The following CCNY variants were observed in gnomAD, a reference collection of about 807,000 sequenced individuals.
CCNY encodes cyclin Y.
In CCNY, 19 loss-of-function variants were observed where a neutral mutation model predicts 42.8. The ratio of observed to expected loss-of-function variants is 0.44; its 90% confidence interval spans 0.31 to 0.65. CCNY has a LOEUF of 0.65. CCNY is among the 30% of genes least tolerant of loss of function. The pLI, the probability that CCNY is intolerant of heterozygous loss-of-function variation, is 0.07. For synonymous variants in CCNY, 165 were observed against 162.7 expected (o/e 1.01, Z -0.11); for missense variants, 370 against 437.3 (o/e 0.85, Z 1.37).
At chr10:35,261,136 A>G (rs1257838049) in intron 3 of CCNY, among the ~76,000 whole-genome samples, 1 of 150,778 alleles carries the variant, frequency 6.6e-6, no homozygotes, top group Non-Finnish European at 1.5e-5. Flanking sequence ...ACAAAACAAA[A>G]CTGAATAGCT....
Position 35,452,345 on chromosome 10 carries a change from A to G in CCNY, c.155-31059A>G, listed in dbSNP as rs182829991. ...ATATACTTTCAGGTCATTAAATGCT[A>G]CAGAAATGAGAAATGAAATACAAAC... On this transcript the variant is annotated intron_variant, in intron 1 of 9. Coordinates refer to ENST00000374704, the MANE Select transcript of CCNY (RefSeq NM_145012.6). Among the ~76,000 whole-genome samples the G allele has an allele frequency of 1.3e-3, 194 of 152,332 alleles. 6 individuals carry two copies. In the South Asian group the frequency reaches 0.03, roughly 24 times the overall value.
At chr10:35,429,284 C>T (rs3003981) in intron 1 of CCNY, among the ~76,000 whole-genome samples, 64,850 of 152,062 alleles carry the variant, frequency 0.43, 14,820 homozygotes, top group African/African-American at 0.59. Context: ...CATCATCTCA[C>T]CAGTTTTTGT....
intron 2 of CCNY, among the ~76,000 whole-genome samples, chr10:35,249,136 A>G (rs1639017497): frequency 6.6e-6 from 1 of 152,138 alleles, no homozygotes; most frequent in Non-Finnish European, 1.5e-5. Flanking sequence ...GGAGGCAGGT[A>G]TTAACATGTT....
intron 1 of CCNY, among the ~76,000 whole-genome samples, chr10:35,393,104 T>A (rs1837449773): frequency 6.6e-6 from 1 of 152,176 alleles, no homozygotes; most frequent in Non-Finnish European, 1.5e-5. Flanking sequence ...GTTTTCTGAG[T>A]TGAGCTCCGT....
intron 3 of CCNY, among the ~76,000 whole-genome samples, chr10:35,309,534 C>T (rs1266663911): frequency 6.6e-6 from 1 of 152,104 alleles, no homozygotes; most frequent in Non-Finnish European, 1.5e-5. Context: ...GATACTTCTG[C>T]CTCACTCTCC....
At chr10:35,380,843 A>G (rs1195443571) in intron 1 of CCNY, among the ~76,000 whole-genome samples, 1 of 152,188 alleles carries the variant, frequency 6.6e-6, no homozygotes, top group Non-Finnish European at 1.5e-5. Flanking sequence ...GTCAGGCTAG[A>G]AGTGGAACCA....
chr10:35,386,996 C>G (rs1342937605), intron 1 of CCNY, among the ~76,000 whole-genome samples: 1 of 152,144 alleles, frequency 6.6e-6, no homozygotes, highest in African/African-American at 2.4e-5. Context: ...CAGTGATTTC[C>G]TGCTGTTGGG....
intron 3 of CCNY, among the ~76,000 whole-genome samples, chr10:35,330,407 TC>T (rs1470002728): frequency 6.6e-6 from 1 of 152,178 alleles, no homozygotes; most frequent in Non-Finnish European, 1.5e-5. Context: ...TCCTGGATTC[TC>T]CTATAGGGAG....
chr10:35,475,341 T>A (rs1393334123), intron 1 of CCNY, among the ~76,000 whole-genome samples: 2 of 152,134 alleles, frequency 1.3e-5, no homozygotes, highest in Non-Finnish European at 2.9e-5. Flanking sequence ...AATTTTCAAA[T>A]TCACCGAAGT....
chr10:35,563,272 A>T (rs1252513810), intron 8 of CCNY, among the ~76,000 whole-genome samples: 1 of 152,192 alleles, frequency 6.6e-6, no homozygotes, highest in African/African-American at 2.4e-5. Flanking sequence ...CAGAAACTCA[A>T]GCTTGGAGAA....
At chr10:35,368,999 GA>G (rs1490406289) in intron 1 of CCNY, among the ~76,000 whole-genome samples, 2 of 152,216 alleles carry the variant, frequency 1.3e-5, no homozygotes, top group African/African-American at 4.8e-5. Flanking sequence ...TGGTGTACAG[GA>G]AGGAGCAGCA....
chr10:35,534,981 A>G (rs1840851650), intron 7 of CCNY, among the ~76,000 whole-genome samples: 1 of 129,968 alleles, frequency 7.7e-6, no homozygotes, highest in South Asian at 2.8e-4. Context: ...ACACATATAT[A>G]TATATAGATC....
At chr10:35,254,873 A>AT (rs57596346) in intron 3 of CCNY, among the ~76,000 whole-genome samples, 24 of 151,094 alleles carry the variant, frequency 1.6e-4, no homozygotes, top group Non-Finnish European at 3.1e-4. Flanking sequence ...AGAAAAAAAA[A>AT]GGTGTGTTGT....
chr10:35,279,217 G>A (rs1200570480), intron 3 of CCNY, among the ~76,000 whole-genome samples: 2 of 147,362 alleles, frequency 1.4e-5, no homozygotes, highest in Non-Finnish European at 3.0e-5. Context: ...CCCAGTTCAA[G>A]TGATTCTTCT....
At chr10:35,383,036 A>G (rs528889816) in intron 1 of CCNY, among the ~76,000 whole-genome samples, 15 of 152,168 alleles carry the variant, frequency 9.9e-5, no homozygotes, top group Non-Finnish European at 1.9e-4. Flanking sequence ...ATTGTTTTCA[A>G]TTGAACATGG....
intron 4 of CCNY, 22 bp from the exon 5 acceptor site, chr10:35,525,942 C>G: frequency 3.1e-6 from 5 of 1,609,138 alleles, no homozygotes; most frequent in Non-Finnish European, 4.2e-6. Flanking sequence ...GGACACTGAA[C>G]CTCTGCATTC....
intron 1 of CCNY, among the ~76,000 whole-genome samples, chr10:35,420,653 T>C (rs1007510453): frequency 4.6e-5 from 7 of 152,148 alleles, no homozygotes; most frequent in African/African-American, 1.7e-4. Flanking sequence ...CACACCAGAA[T>C]CTCACTGGAA....
At chr10:35,431,719 A>G (rs1416044833) in intron 1 of CCNY, among the ~76,000 whole-genome samples, 1 of 152,060 alleles carries the variant, frequency 6.6e-6, no homozygotes, top group Non-Finnish European at 1.5e-5. Context: ...GGGAAAAAGA[A>G]GCACCCTAAG....
chr10:35,288,928 T>C lies in CCNY; in HGVS notation c.-9+38302T>C, dbSNP rs901203802. ...TTCTTCAGAATTATTTTGGTCATTT[T>C]AGATCCTTTGGTATTCAATGTACAT... On this transcript the variant is annotated intron_variant, in intron 3 of 11. Transcript: ENST00000374706. Among the ~76,000 whole-genome samples the C allele has an allele frequency of 7.2e-5, 11 of 152,340 alleles. No homozygotes were observed. The East Asian group carries it at 2.1e-3, about 29-fold the overall frequency.
Sources: allele counts gnomAD v4.1 joint callset (sites outside exome capture counted in the v4.1 genomes callset), GRCh38; gene constraint gnomAD v4.1.1; transcripts MANE v1.5; gene names NCBI Gene and HGNC (gene_info 2026-07-23, HGNC 2026-07-21).